SOX6: variants seen among roughly 807,000 people sequenced by gnomAD.
SOX6 encodes transcription factor SOX-6.
In SOX6, 11 loss-of-function variants were observed where a neutral mutation model predicts 97.8. The ratio of observed to expected loss-of-function variants is 0.11; its 90% CI spans 0.07 to 0.19. The LOEUF (loss-of-function observed/expected upper bound fraction) is 0.19, where lower values mean the gene tolerates loss of function less well. Among genes scored for constraint, SOX6 ranks in the 10% least tolerant of loss-of-function variants. The pLI, the probability that SOX6 is intolerant of heterozygous loss-of-function variation, is 1.00. For missense variants in SOX6, 810 were observed against 1,039.5 expected (o/e 0.78, Z 3.04); for synonymous variants, 360 against 371.4 (o/e 0.97, Z 0.35).
intron 1 of SOX6, among the ~76,000 whole-genome samples, chr11:16,737,345 T>TAGAG: frequency 6.6e-6 from 1 of 152,272 alleles, no homozygotes; most frequent in African/African-American, 2.4e-5. Context: ...TAGCTGGGAT[T>TAGAG]AGAGGCATGT....
In SOX6 at chr11:16,046,717, G is replaced by C. The variant is rs1855845018; in HGVS notation, c.1436-16C>G. 2 of 1,611,536 alleles carry C rather than the reference G, an allele frequency of 1.2e-6. No individual in the cohort carries two copies. The highest frequency in any genetic ancestry group is 1.7e-6 in the Non-Finnish European group (2 of 1,179,064). On this transcript the variant is annotated splice_polypyrimidine_tract_variant and intron_variant, in intron 11 of 15. Coordinates refer to ENST00000683767, the MANE Select transcript of SOX6 (RefSeq NM_001367873.1). ...GATAGGATATCTGCATACACAGGATGCATTATTAGATGCTTGTGAGGTCAG... is the reference window on the plus strand; with the variant it reads ...GATAGGATATCTGCATACACAGGATCCATTATTAGATGCTTGTGAGGTCAG...
chr11:15,971,097 ACAGATAGAGTCAGC>A lies in SOX6; in HGVS notation c.*1698_*1711del, dbSNP rs1853289408. ...CACGTAGGCAGGTCCCCATGTGGCT[ACAGATAGAGTCAGC>A]CAGAGGAACTCATCTGCTGCCCCCG... On this transcript the variant is annotated 3_prime_UTR_variant, in exon 16 of 16. Transcript: ENST00000683767. The A allele has an allele frequency of 6.6e-6, 1 of 152,450 alleles. No homozygotes were observed. The highest frequency in any genetic ancestry group is 6.5e-5 in the Admixed American group (1 of 15,292). 9.4% of individuals were successfully genotyped at this position (152,450 alleles called of 1,614,324 possible). A position where few individuals can be genotyped will look rare whatever the true frequency, so the allele number is the denominator to read the frequency against.
intron 3 of SOX6, among the ~76,000 whole-genome samples, chr11:16,303,113 T>G (rs1855315264): frequency 6.6e-6 from 1 of 152,210 alleles, no homozygotes; most frequent in Non-Finnish European, 1.5e-5. Flanking sequence ...ATGTGTGTAT[T>G]TAAATATGTA....
chr11:16,395,605 G>A (rs564551713), intron 1 of SOX6, among the ~76,000 whole-genome samples: 3 of 151,730 alleles, frequency 2.0e-5, no homozygotes, highest in African/African-American at 7.2e-5. Flanking sequence ...CAGATTCTGT[G>A]GGGCCAGGGT....
chr11:16,531,512 C>A (rs1260513078), intron 4 of SOX6, among the ~76,000 whole-genome samples: 1 of 151,634 alleles, frequency 6.6e-6, no homozygotes, highest in Non-Finnish European at 1.5e-5. Flanking sequence ...ATATATATAT[C>A]AACCCTATGG....
chr11:16,732,632 C>A (rs559211728), intron 2 of SOX6, among the ~76,000 whole-genome samples: 3 of 152,130 alleles, frequency 2.0e-5, no homozygotes, highest in Admixed American at 6.6e-5. Context: ...ACCATAAAAA[C>A]CCTAGATGAA....
upstream of SOX6, among the ~76,000 whole-genome samples, chr11:16,359,483 G>A (rs139774839): frequency 3.3e-5 from 5 of 152,246 alleles, no homozygotes; most frequent in African/African-American, 1.2e-4. Flanking sequence ...AAAATCTCCA[G>A]TGGCCTTAGG....
intron 4 of SOX6, among the ~76,000 whole-genome samples, chr11:16,553,347 T>C (rs1847711007): frequency 6.6e-6 from 1 of 152,208 alleles, no homozygotes; most frequent in Admixed American, 6.5e-5. Context: ...ATATCCACTT[T>C]CAATTATATG....
At chr11:16,673,714 C>A (rs79909924) in intron 3 of SOX6, among the ~76,000 whole-genome samples, 5,294 of 151,940 alleles carry the variant, frequency 0.035, 279 homozygotes, top group Admixed American at 0.15. Flanking sequence ...CTAAAAAAAA[C>A]CAAAAGTAGA....
chr11:16,191,953 G>A (rs1192333846), intron 4 of SOX6, among the ~76,000 whole-genome samples: 1 of 151,228 alleles, frequency 6.6e-6, no homozygotes, highest in Non-Finnish European at 1.5e-5. Context: ...AGGTGGATCA[G>A]TGCTCCCCAG....
intron 3 of SOX6, among the ~76,000 whole-genome samples, chr11:16,246,484 C>T (rs1853338996): frequency 6.6e-6 from 1 of 151,752 alleles, no homozygotes; most frequent in Non-Finnish European, 1.5e-5. Context: ...GTCTTTATTT[C>T]ACCTTCAGAT....
intron 4 of SOX6, chr11:16,484,248 A>T: frequency 9.8e-7 from 1 of 1,019,802 alleles, no homozygotes; most frequent in Non-Finnish European, 1.6e-6. Flanking sequence ...ATGGCTGCCC[A>T]TGTGTCCAGA....
chr11:16,449,901 T>C (rs928492603), intron 1 of SOX6, among the ~76,000 whole-genome samples: 6 of 152,262 alleles, frequency 3.9e-5, no homozygotes, highest in South Asian at 4.1e-4. Flanking sequence ...GATTTCAAAA[T>C]GAGAGTTCAA....
chr11:16,653,812 T>C (rs1406745380), intron 3 of SOX6, among the ~76,000 whole-genome samples: 1 of 152,150 alleles, frequency 6.6e-6, no homozygotes, highest in Non-Finnish European at 1.5e-5. Context: ...TTGCTATTGC[T>C]GTCTAAAGTT....
chr11:16,398,487 G>A (rs1858431114), intron 1 of SOX6, among the ~76,000 whole-genome samples: 1 of 151,334 alleles, frequency 6.6e-6, no homozygotes, highest in Non-Finnish European at 1.5e-5. Context: ...AACAGTCTTG[G>A]GAGAAAGTTA....
chr11:16,058,329 T>C (rs1004419304), intron 9 of SOX6, among the ~76,000 whole-genome samples: 1 of 145,034 alleles, frequency 6.9e-6, no homozygotes, highest in Admixed American at 6.7e-5. Flanking sequence ...TTTGGGTTTG[T>C]TTTTAATGTT....
At chr11:16,734,433 T>G (rs1848375917) in intron 2 of SOX6, among the ~76,000 whole-genome samples, 1 of 152,150 alleles carries the variant, frequency 6.6e-6, no homozygotes, top group Non-Finnish European at 1.5e-5. Context: ...CACTAACCTC[T>G]CCTTCTTCTA....
chr11:16,482,354 A>C (rs1380160624), intron 4 of SOX6, among the ~76,000 whole-genome samples: 1 of 152,208 alleles, frequency 6.6e-6, no homozygotes, highest in Non-Finnish European at 1.5e-5. Flanking sequence ...TTCATTTAAG[A>C]AACATTGGCT....
At chr11:16,652,147 G>A (rs367915507) in intron 3 of SOX6, among the ~76,000 whole-genome samples, 5 of 152,146 alleles carry the variant, frequency 3.3e-5, no homozygotes, top group East Asian at 1.9e-4. Context: ...CCATGCTCAC[G>A]GATGGATAGA....
Sources: allele counts gnomAD v4.1 joint callset (sites outside exome capture counted in the v4.1 genomes callset), GRCh38; gene constraint gnomAD v4.1.1; transcripts MANE v1.5; gene names NCBI Gene and HGNC (gene_info 2026-07-23, HGNC 2026-07-21).